Variants in TMEM192 observed in about 807,000 individuals in gnomAD.
The protein encoded by TMEM192 is transmembrane protein 192.
A neutral mutation model predicts 26.7 loss-of-function variants in TMEM192; 20 were observed. That is an observed-to-expected ratio of 0.75 (90% confidence interval 0.53 to 1.09). TMEM192 has a LOEUF of 1.09. TMEM192 is among the 50% of genes least tolerant of loss of function. The probability of loss-of-function intolerance (pLI) is 0.00; values close to 1 mark genes in which losing one functional copy is unlikely to be tolerated. For missense variants in TMEM192, 304 were observed against 322.6 expected (o/e 0.94, Z 0.44); for synonymous variants, 124 against 121.0 (o/e 1.02, Z -0.16).
At position 165,085,560 on chromosome 4, in the gene TMEM192, T is replaced by C. The variant is rs370167147; in HGVS notation, c.677+26A>G. 1.6e-5 allele frequency: 24 copies of C among 1,502,924 alleles called. No individual in the cohort carries two copies. The African/African-American group carries it at 2.5e-4, about 16-fold the overall frequency. The allele number at this position is 1,502,924 out of a possible 1,614,324, so 93.1% of individuals were successfully genotyped here. Reference sequence around the variant, plus strand: ...TAGCTTTCTAGGGGAAAAAACTCAATTATTTTATTCTCACCTAAATCTTAC... The same window carrying C: ...TAGCTTTCTAGGGGAAAAAACTCAACTATTTTATTCTCACCTAAATCTTAC... On this transcript the variant is annotated intron_variant, in intron 5 of 5. Transcript: ENST00000306480.
chr4:165,105,653 A>G (rs1048843199), intron 1 of TMEM192, among the ~76,000 whole-genome samples: 20 of 152,136 alleles, frequency 1.3e-4, no homozygotes, highest in Admixed American at 9.2e-4. Flanking sequence ...TCTCTTTTTA[A>G]TATTTTTTAA....
At chr4:165,100,936 A>G in intron 2 of TMEM192, 44 bp from the exon 3 acceptor site, 1 of 1,506,404 alleles carries the variant, frequency 6.6e-7, no homozygotes, top group Non-Finnish European at 8.9e-7. Flanking sequence ...AATATTTGTA[A>G]TTAGGAAGCA....
chr4:165,088,838 A>T (rs992768268), intron 3 of TMEM192, among the ~76,000 whole-genome samples: 18 of 151,894 alleles, frequency 1.2e-4, no homozygotes, highest in African/African-American at 4.4e-4. Flanking sequence ...CAGGTGGTCG[A>T]GACCAGCTTA....
intron 1 of TMEM192, 101 bp downstream of exon 1, chr4:165,112,646 T>A: frequency 1.3e-6 from 2 of 1,530,276 alleles, no homozygotes; most frequent in South Asian, 2.3e-5. Flanking sequence ...GCGGCCGCAG[T>A]CGCCAAGGGT....
At position 165,100,814 on chromosome 4, in the gene TMEM192, T is replaced by C. The variant is rs1735022593; in HGVS notation, c.253A>G (p.Asn85Asp). ...PNPNEDKCPG[N>D]YTNPLKVQTV... ...TGAACTTTCAATGGGTTTGTGTAAT[T>C]TCCTGGGCACTTGTCCTCATTTGGA... is the stretch of plus-strand genomic sequence containing the variant. Residue 85 changes from asparagine (N) to aspartate (D), a missense_variant, in exon 3 of 6, where the codon AAT becomes GAT. By Grantham distance (23) the Asn-to-Asp change is conservative. Transcript: ENST00000306480. 1.2e-6 allele frequency: 2 copies of C among 1,614,102 alleles called. No individual in the cohort carries two copies. The highest frequency in any genetic ancestry group is 1.1e-5 in the South Asian group (1 of 91,084).
Position 165,070,898 on chromosome 4 carries a change from A to G in TMEM192, c.*8760T>C, listed in dbSNP as rs1437215253. The stretch of plus-strand genomic sequence containing the variant: ...CCAGACACTGTTCTATGTATGAAGG[A>G]CACAGTAGTAAGCAAAAGATAGAGC... On this transcript the variant is annotated 3_prime_UTR_variant, in exon 6 of 6. Coordinates refer to ENST00000306480, the MANE Select transcript of TMEM192 (RefSeq NM_001100389.2). 2.0e-5 allele frequency: 3 copies of G among 152,210 alleles called. No homozygotes were observed. The highest frequency in any genetic ancestry group is 4.4e-5 in the Non-Finnish European group (3 of 68,042). The allele number at this position is 152,210 out of a possible 1,614,324, so 9.4% of individuals were successfully genotyped here. A position where few individuals can be genotyped will look rare whatever the true frequency, so the allele number is the denominator to read the frequency against.
chr4:165,107,024 C>CA (rs1553989777), intron 1 of TMEM192, among the ~76,000 whole-genome samples: 1 of 149,130 alleles, frequency 6.7e-6, no homozygotes, highest in Non-Finnish European at 1.5e-5. Flanking sequence ...TTTTTTCTCT[C>CA]TTTTTTTTTT....
chr4:165,100,698 G>A lies in TMEM192; in HGVS notation c.369C>T (p.Asn123=). The A allele has an allele frequency of 6.2e-7, 1 of 1,614,092 alleles. No individual in the cohort carries two copies. Among genetic ancestry groups the A allele is most frequent in the African/African-American group, 1.3e-5 (1 of 75,024 alleles). ...ATCGGTAGATCAAGTTATAGCCTCGGTTTCTGATTTTGCTGTGGTGATACT... is the reference window on the plus strand; with the variant it reads ...ATCGGTAGATCAAGTTATAGCCTCGATTTCTGATTTTGCTGTGGTGATACT... ...YIQYHHSKIR[N]RGYNLIYRST... is the part of the protein sequence containing the mutation. Residue 123 remains asparagine (N), a synonymous_variant, in exon 3 of 6, where the codon AAC becomes AAT. Coordinates refer to ENST00000306480, the MANE Select transcript of TMEM192 (RefSeq NM_001100389.2).
At position 165,074,214 on chromosome 4, in the gene TMEM192, AC is replaced by A. The variant is rs1734326187; in HGVS notation, c.*5443del. On this transcript the variant is annotated 3_prime_UTR_variant, in exon 6 of 6. Transcript: ENST00000306480. The stretch of plus-strand genomic sequence containing the variant: ...GCAATGTGGAAGGAAGCTATTGGTG[AC>A]CTTGCCAAGAACAGTTTCAGTAGAG... The A allele has an allele frequency of 6.6e-6, 1 of 152,102 alleles. No individual in the cohort carries two copies. Among genetic ancestry groups the A allele is most frequent in the African/African-American group, 2.4e-5 (1 of 41,424 alleles). 9.4% of individuals were successfully genotyped at this position (152,102 alleles called of 1,614,324 possible). A position where few individuals can be genotyped will look rare whatever the true frequency, so the allele number is the denominator to read the frequency against.
At chr4:165,112,461 T>G (rs953326539) in intron 1 of TMEM192, among the ~76,000 whole-genome samples, 1 of 152,196 alleles carries the variant, frequency 6.6e-6, no homozygotes, top group Non-Finnish European at 1.5e-5. Flanking sequence ...GCACGTGGGC[T>G]GGGCGCCAGC....
At chr4:165,101,872 C>T (rs1333878961) in intron 2 of TMEM192, among the ~76,000 whole-genome samples, 7 of 152,152 alleles carry the variant, frequency 4.6e-5, no homozygotes, top group Admixed American at 1.3e-4. Flanking sequence ...CTGAGGGATA[C>T]GGTCCCTGCA....
chr4:165,109,981 G>A (rs537170943), intron 1 of TMEM192, among the ~76,000 whole-genome samples: 2 of 152,204 alleles, frequency 1.3e-5, no homozygotes, highest in South Asian at 2.1e-4. Context: ...CTTTTCATGG[G>A]TGTATCTTTT....
intron 3 of TMEM192, among the ~76,000 whole-genome samples, chr4:165,097,872 A>G (rs1038914187): frequency 2.0e-5 from 3 of 152,000 alleles, no homozygotes; most frequent in African/African-American, 7.2e-5. Flanking sequence ...TCACTCTGTC[A>G]CCCAGGTTGG....
chr4:165,096,731 A>G (rs1386341492), intron 3 of TMEM192, among the ~76,000 whole-genome samples: 4 of 152,018 alleles, frequency 2.6e-5, no homozygotes, highest in Non-Finnish European at 5.9e-5. Flanking sequence ...CATGAGCCAC[A>G]TAAACGTGAT....
intron 1 of TMEM192, 147 bp from the exon 2 acceptor site, chr4:165,103,243 AT>A: frequency 2.3e-6 from 1 of 436,202 alleles, no homozygotes; most frequent in Non-Finnish European, 3.6e-6. Flanking sequence ...TTTTTTAAAA[AT>A]TAATTATTAA....
At chr4:165,112,206 G>A (rs1735308341) in intron 1 of TMEM192, among the ~76,000 whole-genome samples, 1 of 152,190 alleles carries the variant, frequency 6.6e-6, no homozygotes, top group Non-Finnish European at 1.5e-5. Context: ...TGGGTTTCCA[G>A]GCCATGATAG....
chr4:165,071,303 G>C lies in TMEM192; in HGVS notation c.*8355C>G, dbSNP rs76074664. On this transcript the variant is annotated 3_prime_UTR_variant, in exon 6 of 6. Transcript: ENST00000306480. The stretch of plus-strand genomic sequence containing the variant: ...TGAAGTGGGAGGATTTTTTTTTTTT[G>C]GGGGGGGGACGGATTCTCACTCTTG... The C allele has an allele frequency of 3.9e-5, 5 of 129,844 alleles. No homozygotes were observed. Among genetic ancestry groups the C allele is most frequent in the South Asian group, 2.5e-4 (1 of 3,992 alleles). The allele number at this position is 129,844 out of a possible 1,614,324, so 8.0% of individuals were successfully genotyped here. A position where few individuals can be genotyped will look rare whatever the true frequency, so the allele number is the denominator to read the frequency against.
intron 5 of TMEM192, among the ~76,000 whole-genome samples, chr4:165,084,173 C>T (rs1041174151): frequency 6.6e-6 from 1 of 151,454 alleles, no homozygotes; most frequent in Admixed American, 6.6e-5. Flanking sequence ...GGCACTGAGT[C>T]CATTTCTTAA....
chr4:165,090,332 G>C (rs1250175713), intron 3 of TMEM192, among the ~76,000 whole-genome samples: 2 of 147,880 alleles, frequency 1.4e-5, no homozygotes, highest in Admixed American at 1.4e-4. Context: ...GCAGTGAGCC[G>C]AGATCACACC....
Sources: allele counts gnomAD v4.1 joint callset (sites outside exome capture counted in the v4.1 genomes callset), GRCh38; gene constraint gnomAD v4.1.1; transcripts MANE v1.5; gene names NCBI Gene and HGNC (gene_info 2026-07-23, HGNC 2026-07-21).